ADAM32: variants seen among roughly 807,000 people sequenced by gnomAD.
The protein encoded by ADAM32 is ADAM metallopeptidase domain 32.
ADAM32 carries 89 observed loss-of-function variants against 114.9 expected under a neutral mutation model. The ratio of observed to expected loss-of-function variants is 0.77; its 90% CI spans 0.65 to 0.92. The LOEUF (loss-of-function observed/expected upper bound fraction) is 0.92. Ranked by LOEUF, ADAM32 falls within the 40% of genes least tolerant of loss-of-function variation. The pLI, the probability that ADAM32 is intolerant of heterozygous loss-of-function variation, is 0.00. For synonymous variants in ADAM32, 285 were observed against 307.5 expected (o/e 0.93, Z 0.77); for missense variants, 870 against 932.8 (o/e 0.93, Z 0.88).
chr8:39,233,767 A>G (rs913493371), intron 15 of ADAM32, 132 bp from the exon 16 acceptor site: 1 of 568,182 alleles, frequency 1.8e-6, no homozygotes, highest in African/African-American at 2.0e-5. Flanking sequence ...TTACCGTGAA[A>G]ACATTAACGT....
chr8:39,220,304 A>G (rs4537269), intron 12 of ADAM32, among the ~76,000 whole-genome samples: 146,545 of 152,290 alleles, frequency 0.96, 70,788 homozygotes, highest in East Asian at 1. Context: ...TCTTTCTGCA[A>G]CCCTTTACTA....
At chr8:39,191,063 C>T (rs183058057) in intron 11 of ADAM32, among the ~76,000 whole-genome samples, 26 of 152,238 alleles carry the variant, frequency 1.7e-4, no homozygotes, top group Admixed American at 1.4e-3. Flanking sequence ...CTCCATCCAT[C>T]GTCCTGCAAA....
chr8:39,133,645 C>A (rs534141823), intron 2 of ADAM32, among the ~76,000 whole-genome samples: 1 of 152,350 alleles, frequency 6.6e-6, no homozygotes, highest in African/African-American at 2.4e-5. Flanking sequence ...AGCCAGTTCC[C>A]AGGCTCCTGG....
chr8:39,157,854 A>G (rs1404816248), intron 6 of ADAM32: 5 of 619,256 alleles, frequency 8.1e-6, no homozygotes, highest in Non-Finnish European at 1.4e-5. Context: ...GCCATCCTTG[A>G]TGAAGTAGCC....
chr8:39,255,577 C>G (rs550554268), intron 18 of ADAM32, among the ~76,000 whole-genome samples: 1 of 151,418 alleles, frequency 6.6e-6, no homozygotes, highest in East Asian at 1.9e-4. Flanking sequence ...GATGGAATTC[C>G]TTTTTTTCTT....
At chr8:39,130,468 A>G (rs1208350719) in intron 2 of ADAM32, among the ~76,000 whole-genome samples, 3 of 151,976 alleles carry the variant, frequency 2.0e-5, no homozygotes, top group Non-Finnish European at 4.4e-5. Context: ...TAAGATGGAA[A>G]TTTAAGTTAC....
At position 39,158,704 on chromosome 8, in the gene ADAM32, T is replaced by C. The variant is rs746419535; in HGVS notation, c.526-2193T>C. The C allele has an allele frequency of 2.7e-4, 44 of 160,536 alleles. 1 individual carries two copies. The highest frequency in any genetic ancestry group is 5.6e-4 in the Non-Finnish European group (41 of 73,654). The allele number at this position is 160,536 out of a possible 1,614,324, so 9.9% of individuals were successfully genotyped here. ...GCAAAAGATTTCCTGCGAGACATCA[T>C]GCCATCAAATCCTGCTTTATTCTTT... On this transcript the variant is annotated intron_variant, in intron 6 of 24. Coordinates refer to ENST00000379907, the MANE Select transcript of ADAM32 (RefSeq NM_145004.7).
chr8:39,116,262 T>C (rs918699790), intron 1 of ADAM32, among the ~76,000 whole-genome samples: 1 of 152,234 alleles, frequency 6.6e-6, no homozygotes, highest in African/African-American at 2.4e-5. Flanking sequence ...TTTTTTCTAA[T>C]TCTGTGAAAA....
intron 20 of ADAM32, 97 bp from the exon 21 acceptor site, chr8:39,274,215 G>A (rs1812930136): frequency 8.9e-7 from 1 of 1,127,560 alleles, no homozygotes; most frequent in Admixed American, 1.9e-5. Context: ...GTCTTTTAAA[G>A]AGATAATACT....
intron 5 of ADAM32, 70 bp from the exon 6 acceptor site, chr8:39,151,307 T>C: frequency 7.6e-7 from 1 of 1,318,960 alleles, no homozygotes. Context: ...TTTTTTCTTT[T>C]GGATTTTGTC....
chr8:39,165,814 T>C (rs937398731), intron 9 of ADAM32: 11 of 152,200 alleles, frequency 7.2e-5, no homozygotes, highest in Non-Finnish European at 1.5e-4. Context: ...CCCTCACATC[T>C]CTGCCAGCCA....
At chr8:39,154,628 A>G (rs1345331896) in intron 6 of ADAM32, among the ~76,000 whole-genome samples, 2 of 152,224 alleles carry the variant, frequency 1.3e-5, no homozygotes, top group African/African-American at 2.4e-5. Flanking sequence ...GTCTTTCACA[A>G]TGGTTGAACT....
chr8:39,171,968 TA>T (rs1554605784), intron 10 of ADAM32, among the ~76,000 whole-genome samples: 1 of 151,518 alleles, frequency 6.6e-6, no homozygotes, highest in Non-Finnish European at 1.5e-5. Context: ...ACTAATTCTG[TA>T]GGGCTTTTGC....
intron 2 of ADAM32, among the ~76,000 whole-genome samples, chr8:39,128,869 C>T (rs923476023): frequency 6.6e-6 from 1 of 152,106 alleles, no homozygotes; most frequent in Non-Finnish European, 1.5e-5. Context: ...TGGGAATGCT[C>T]AGTTCTTCAT....
chr8:39,135,022 G>A (rs1802704128), intron 2 of ADAM32, among the ~76,000 whole-genome samples: 2 of 152,262 alleles, frequency 1.3e-5, no homozygotes, highest in South Asian at 4.1e-4. Context: ...AGGCGTGGTG[G>A]CGCATGTCTG....
intron 1 of ADAM32, among the ~76,000 whole-genome samples, chr8:39,109,769 G>T (rs1460893060): frequency 6.6e-6 from 1 of 152,034 alleles, no homozygotes; most frequent in East Asian, 1.9e-4. Context: ...TTGCATTAGG[G>T]TTCATTCTCC....
At chr8:39,218,603 C>CT (rs1218652146) in intron 12 of ADAM32, among the ~76,000 whole-genome samples, 3 of 152,146 alleles carry the variant, frequency 2.0e-5, no homozygotes, top group African/African-American at 7.2e-5. Context: ...CCTACTCTTA[C>CT]TTTTTTTCCC....
chr8:39,226,018 A>G (rs1010060780), intron 14 of ADAM32, among the ~76,000 whole-genome samples: 1 of 152,230 alleles, frequency 6.6e-6, no homozygotes, highest in African/African-American at 2.4e-5. Context: ...AGCAAACTTC[A>G]AAAGAACACA....
chr8:39,116,636 G>A (rs1840388741), intron 1 of ADAM32, among the ~76,000 whole-genome samples: 1 of 152,084 alleles, frequency 6.6e-6, no homozygotes, highest in African/African-American at 2.4e-5. Flanking sequence ...GAGCCTTTGG[G>A]CAGAAACTAT....
Sources: allele counts gnomAD v4.1 joint callset (sites outside exome capture counted in the v4.1 genomes callset), GRCh38; gene constraint gnomAD v4.1.1; transcripts MANE v1.5; gene names NCBI Gene and HGNC (gene_info 2026-07-23, HGNC 2026-07-21).